The following PCDHA8 variants were observed in gnomAD, a reference collection of about 807,000 sequenced individuals.
PCDHA8 encodes protocadherin alpha-8.
Under a neutral mutation model 61.8 loss-of-function variants are expected in PCDHA8, and 53 were observed. The observed-to-expected ratio is 0.86, with a 90% CI of 0.69 to 1.08. PCDHA8 has a LOEUF of 1.08. Ranked by LOEUF, PCDHA8 falls within the 50% of genes least tolerant of loss-of-function variation. The probability of loss-of-function intolerance (pLI) is 0.00; values close to 1 mark genes in which losing one functional copy is unlikely to be tolerated. For synonymous variants in PCDHA8, 618 were observed against 556.6 expected (o/e 1.11, Z -1.55); for missense variants, 1,293 against 1,245.0 (o/e 1.04, Z -0.58).
intron 1 of PCDHA8, among the ~76,000 whole-genome samples, chr5:140,941,235 C>CT: frequency 7.4e-6 from 1 of 135,248 alleles, no homozygotes; most frequent in Non-Finnish European, 1.6e-5. Context: ...TTCTTTCTTT[C>CT]TTTCTTTCTT....
intron 3 of PCDHA8, among the ~76,000 whole-genome samples, chr5:140,998,571 T>G (rs2097822082): frequency 1.0e-5 from 1 of 96,286 alleles, no homozygotes; most frequent in African/African-American, 3.7e-5. Flanking sequence ...GTAAATAAGT[T>G]TTTTTTTTTT....
At chr5:140,984,788 T>C (rs2097121100) in intron 3 of PCDHA8, among the ~76,000 whole-genome samples, 1 of 152,292 alleles carries the variant, frequency 6.6e-6, no homozygotes, top group Non-Finnish European at 1.5e-5. Context: ...TGGGTGAGCA[T>C]AGACAAACTG....
In PCDHA8 at chr5:140,883,728, A is replaced by G. The variant is rs781971725; in HGVS notation, c.2394+40013A>G. 2 of 1,613,392 alleles carry G rather than the reference A, an allele frequency of 1.2e-6. No homozygotes were observed. The highest frequency in any genetic ancestry group is 2.7e-5 in the African/African-American group (2 of 74,914). On this transcript the variant is annotated intron_variant, in intron 1 of 3. Transcript: ENST00000531613. ...GCTCAGGACGCGGACGCACAGGAGA[A>G]CGCGCTGGTCTCCTACTCGCTGGTG...
intron 1 of PCDHA8, chr5:140,927,650 TC>T (rs2084465821): frequency 6.2e-7 from 1 of 1,614,080 alleles, no homozygotes; most frequent in Admixed American, 1.7e-5. Flanking sequence ...ACTGTGTTAT[TC>T]CGAGTTCAAG....
intron 1 of PCDHA8, chr5:140,857,408 T>C: frequency 6.3e-7 from 1 of 1,597,854 alleles, no homozygotes; most frequent in Non-Finnish European, 8.6e-7. Context: ...CGCGCCTGCG[T>C]TCGCGCAGTC....
At chr5:140,905,251 A>G (rs1382207700) in intron 1 of PCDHA8, among the ~76,000 whole-genome samples, 4 of 152,174 alleles carry the variant, frequency 2.6e-5, no homozygotes, top group East Asian at 1.9e-4. Context: ...ATTCTTCCAC[A>G]TGAGGCTTGG....
rs185233104 is a variant in PCDHA8, at chr5:140,979,751, C to T, written c.2453+744C>T. 6.6e-5 allele frequency among the ~76,000 whole-genome samples: 10 copies of T among 152,136 alleles called. No individual in the cohort carries two copies. The South Asian group carries it at 1.2e-3, about 19-fold the overall frequency. On this transcript the variant is annotated intron_variant, in intron 2 of 3. Coordinates refer to ENST00000531613, the MANE Select transcript of PCDHA8 (RefSeq NM_018911.3). ...GGCCAAATAAAAGATTCATTATTTG[C>T]GAATGTCTTTGGAAACCAAATGGGA...
intron 1 of PCDHA8, chr5:140,869,336 A>G (rs781863950): frequency 6.2e-7 from 1 of 1,613,984 alleles, no homozygotes; most frequent in Admixed American, 1.7e-5. Flanking sequence ...CTGGAGGTAA[A>G]TCTGCAGAAT....
chr5:140,934,625 A>G (rs1554210030), intron 1 of PCDHA8, among the ~76,000 whole-genome samples: 1 of 152,116 alleles, frequency 6.6e-6, no homozygotes, highest in Non-Finnish European at 1.5e-5. Context: ...GGTACAGTTC[A>G]CACAGGAAAG....
chr5:140,845,731 C>A (rs1420659203), intron 1 of PCDHA8, among the ~76,000 whole-genome samples: 1 of 149,400 alleles, frequency 6.7e-6, no homozygotes, highest in Non-Finnish European at 1.5e-5. Context: ...AATGTGAATT[C>A]TACTTTATAG....
chr5:140,890,646 C>A (rs1332050034), intron 1 of PCDHA8, among the ~76,000 whole-genome samples: 4 of 152,082 alleles, frequency 2.6e-5, no homozygotes, highest in African/African-American at 9.7e-5. Flanking sequence ...CTTGATATAT[C>A]AAAATCAAAA....
chr5:140,999,215 C>A (rs1290752092), intron 3 of PCDHA8, among the ~76,000 whole-genome samples: 1 of 152,140 alleles, frequency 6.6e-6, no homozygotes, highest in East Asian at 1.9e-4. Context: ...TCTGGAAGTA[C>A]TACATTTGAG....
chr5:140,865,389 A>T (rs1184678268), intron 1 of PCDHA8: 2 of 152,350 alleles, frequency 1.3e-5, no homozygotes, highest in Non-Finnish European at 2.9e-5. Flanking sequence ...GGGTAAAGTT[A>T]ATATAAATGC....
At chr5:140,975,491 C>T (rs2153807371) in intron 1 of PCDHA8, among the ~76,000 whole-genome samples, 1 of 152,274 alleles carries the variant, frequency 6.6e-6, no homozygotes, top group Middle Eastern at 3.4e-3. Flanking sequence ...TATCAATGTT[C>T]ATAAAATAGC....
intron 1 of PCDHA8, among the ~76,000 whole-genome samples, chr5:140,970,978 A>G (rs2096449048): frequency 1.3e-5 from 2 of 152,188 alleles, no homozygotes; most frequent in African/African-American, 4.8e-5. Flanking sequence ...ATTAAGAAAA[A>G]TGGGGGAATA....
chr5:140,990,332 T>C (rs1458187543), intron 3 of PCDHA8, among the ~76,000 whole-genome samples: 1 of 152,100 alleles, frequency 6.6e-6, no homozygotes, highest in Non-Finnish European at 1.5e-5. Flanking sequence ...ACTTTAAAAA[T>C]AAGTAAAGCC....
rs1554213921 is a variant in PCDHA8 at position 140,941,202 on chromosome 5, C to CTTTCTTTCTTTCTTTCTTT, written c.2395-37747_2395-37746insTTTCTTTCTTTCTTTCTTT. ...TCCTGCTTCTTTTTTTTTCTTTCTT[C>CTTTCTTTCTTTCTTTCTTT]CTTTCTTTCTTCCTTTCTTTCTTTC... On this transcript the variant is annotated intron_variant, in intron 1 of 3. Coordinates refer to ENST00000531613, the MANE Select transcript of PCDHA8 (RefSeq NM_018911.3). Among the ~76,000 whole-genome samples the CTTTCTTTCTTTCTTTCTTT allele has an allele frequency of 8.2e-4, 101 of 122,784 alleles. 3 individuals carry two copies. Among genetic ancestry groups the CTTTCTTTCTTTCTTTCTTT allele is most frequent in the East Asian group, 3.5e-3 (16 of 4,514 alleles). The allele number at this position is 122,784 out of a possible 152,430, so 80.6% of individuals were successfully genotyped here. A position where few individuals can be genotyped will look rare whatever the true frequency, so the allele number is the denominator to read the frequency against.
chr5:140,841,545 T>C lies in PCDHA8; in HGVS notation c.224T>C (p.Leu75Pro), dbSNP rs1554138308. ...GCGTCCAAAAGACACCGGGACCTTC[T>C]GGAGGTAAGTCTGCAGAATGGCATT... ...RVASKRHRDL[L>P]EVSLQNGILF... The change falls in exon 1 of 4, where the codon CTG becomes CCG. Residue 75 changes from leucine to proline, a missense_variant. Coordinates refer to ENST00000531613, the MANE Select transcript of PCDHA8 (RefSeq NM_018911.3). 1 of 1,613,752 alleles carries C rather than the reference T, an allele frequency of 6.2e-7. No homozygotes were observed.
At chr5:140,876,324 T>A in intron 1 of PCDHA8, 1 of 1,614,000 alleles carries the variant, frequency 6.2e-7, no homozygotes, top group Non-Finnish European at 8.5e-7. Context: ...TCAAAATGAT[T>A]TTGCCAGTGA....
Sources: gnomAD v4.1 joint callset for allele counts (sites outside exome capture counted in the v4.1 genomes callset) on GRCh38, gnomAD v4.1.1 for gene constraint, MANE v1.5 for transcripts, NCBI Gene and HGNC (gene_info 2026-07-23, HGNC 2026-07-21) for gene names.